Variants in FEM1C observed in about 807,000 individuals in gnomAD.
The protein encoded by FEM1C is fem-1 homolog C.
FEM1C carries 15 observed loss-of-function variants against 37.6 expected under a neutral mutation model. The observed-to-expected ratio is 0.40, with a 90% CI of 0.27 to 0.61. The LOEUF (loss-of-function observed/expected upper bound fraction) is 0.61. Among genes scored for constraint, FEM1C ranks in the 20% least tolerant of loss-of-function variants. The pLI is 0.42. For missense variants in FEM1C, 532 were observed against 749.7 expected (o/e 0.71, Z 3.39); for synonymous variants, 287 against 272.8 (o/e 1.05, Z -0.51).
chr5:115,541,180 T>C (rs1580385947), intron 2 of FEM1C, among the ~76,000 whole-genome samples: 1 of 152,018 alleles, frequency 6.6e-6, no homozygotes, highest in South Asian at 2.1e-4. Context: ...AGAGCTATAA[T>C]TGGTAATATT....
In FEM1C at chr5:115,524,733, G is replaced by T. The variant is rs774601570; in HGVS notation, c.1429C>A (p.Pro477Thr). The T allele has an allele frequency of 1.3e-6, 2 of 1,541,498 alleles. No individual in the cohort carries two copies. Among genetic ancestry groups the T allele is most frequent in the Non-Finnish European group, 1.7e-6 (2 of 1,148,420 alleles). The change falls in exon 3 of 3, where the codon CCA becomes ACA. Residue 477 changes from proline (P) to threonine (T), a missense_variant. Coordinates refer to ENST00000274457, the MANE Select transcript of FEM1C (RefSeq NM_020177.3). ...GGGCTGAAGTTATTCTTTCCCCTTG[G>T]ATGCAGCTTAAGAAACCTGTATATA... ...QTIYRFLKLHPRGKNNFSPLH... is the reference protein window; with the variant it reads ...QTIYRFLKLHTRGKNNFSPLH...
In FEM1C at chr5:115,543,675, G is replaced by C; in HGVS notation, c.-182C>G. Reference sequence around the variant, plus strand: ...CTGCTTTCCAACATCTGACAACCAGGGCACCAAACTAGAGAAAGAAAAAAA... The same window carrying C: ...CTGCTTTCCAACATCTGACAACCAGCGCACCAAACTAGAGAAAGAAAAAAA... On this transcript the variant is annotated 5_prime_UTR_variant, in exon 2 of 3. Transcript: ENST00000274457. 7.4e-7 allele frequency: 1 copy of C among 1,357,438 alleles called. No individual in the cohort carries two copies. Among genetic ancestry groups the C allele is most frequent in the Non-Finnish European group, 9.4e-7 (1 of 1,059,734 alleles). The allele number at this position is 1,357,438 out of a possible 1,614,324, so 84.1% of individuals were successfully genotyped here. A position where few individuals can be genotyped will look rare whatever the true frequency, so the allele number is the denominator to read the frequency against.
intron 2 of FEM1C, among the ~76,000 whole-genome samples, chr5:115,526,664 T>G (rs367602859): frequency 2.6e-5 from 4 of 152,248 alleles, no homozygotes; most frequent in African/African-American, 9.6e-5. Context: ...TACATAAAAT[T>G]TCAACAGTCA....
rs201655348 is a variant in FEM1C at position 115,524,365 on chromosome 5, T to C, written c.1797A>G (p.Ile599Met). Residue 599 changes from isoleucine (I) to methionine (M), a missense_variant, in exon 3 of 3, where the codon ATA (isoleucine) becomes ATG (methionine). Around this residue, in one of 3 missense-constraint regions of FEM1C, gnomAD observed 237 missense variants for 260.5 expected, o/e 0.91. Coordinates refer to ENST00000274457, the MANE Select transcript of FEM1C (RefSeq NM_020177.3). Reference sequence around the variant, plus strand: ...TTTCTGGGATATGCCCTTTATAATATATTCTATGATTCACTATGACACGAG... The same window carrying C: ...TTTCTGGGATATGCCCTTTATAATACATTCTATGATTCACTATGACACGAG... ...LAARVIVNHR[I>M]YYKGHIPEKL... is the part of the protein sequence containing the mutation. 6.2e-7 allele frequency: 1 copy of C among 1,613,486 alleles called. No individual in the cohort carries two copies. Among genetic ancestry groups the C allele is most frequent in the Admixed American group, 1.7e-5 (1 of 59,900 alleles).
Position 115,524,712 on chromosome 5 carries a change from T to C in FEM1C, c.1450A>G (p.Ser484Gly), listed in dbSNP as rs775489971. ...TTGTCCACAGCCAGATGAAGAGGGC[T>C]GAAGTTATTCTTTCCCCTTGGATGC... ...KLHPRGKNNF[S>G]PLHLAVDKNT... Residue 484 changes from serine (S) to glycine (G), a missense_variant, in exon 3 of 3, where the codon AGC (serine) becomes GGC (glycine). Ser to Gly is a moderately conservative substitution (Grantham distance 56). Transcript: ENST00000274457. 5.2e-6 allele frequency: 8 copies of C among 1,542,870 alleles called. No individual in the cohort carries two copies. In the South Asian group the frequency reaches 1.0e-4, roughly 20 times the overall value.
chr5:115,544,201 C>T (rs1754306064), intron 1 of FEM1C: 11 of 984,444 alleles, frequency 1.1e-5, no homozygotes, highest in Non-Finnish European at 1.3e-5. Flanking sequence ...CTACTCACGG[C>T]TCTCAGGAAA....
Position 115,524,780 on chromosome 5 carries a change from T to C in FEM1C, c.1382A>G (p.Gln461Arg), listed in dbSNP as rs754983785. ...TATAGTCTGCTTTTTGAAATGGTCT[T>C]GTTCTAGAGTACAAGGAACTTTCTC... Reference protein sequence around the residue: ...LLEKVPCTLEQDHFKKQTIYR... With the variant: ...LLEKVPCTLERDHFKKQTIYR... Residue 461 changes from glutamine (Q) to arginine (R), a missense_variant, in exon 3 of 3, where the codon CAA becomes CGA. Around this residue, in one of 3 missense-constraint regions of FEM1C, gnomAD observed 237 missense variants for 260.5 expected, o/e 0.91. Coordinates refer to ENST00000274457, the MANE Select transcript of FEM1C (RefSeq NM_020177.3). The C allele has an allele frequency of 1.3e-6, 2 of 1,574,200 alleles. No homozygotes were observed. The highest frequency in any genetic ancestry group is 1.7e-6 in the Non-Finnish European group (2 of 1,162,912).
chr5:115,542,824 G>C, intron 2 of FEM1C, 126 bp downstream of exon 2: 3 of 1,116,034 alleles, frequency 2.7e-6, no homozygotes, highest in Non-Finnish European at 3.8e-6. Flanking sequence ...AGTCATACTG[G>C]AAGACTTACC....
chr5:115,533,503 G>A (rs1316506701), intron 2 of FEM1C, among the ~76,000 whole-genome samples: 1 of 151,954 alleles, frequency 6.6e-6, no homozygotes, highest in African/African-American at 2.4e-5. Flanking sequence ...ACTGTTACAT[G>A]CCAAAGATCA....
intron 2 of FEM1C, among the ~76,000 whole-genome samples, chr5:115,536,026 G>C (rs1172284280): frequency 6.6e-6 from 1 of 151,916 alleles, no homozygotes; most frequent in Non-Finnish European, 1.5e-5. Context: ...ACTTAAGACA[G>C]AAAAGAGATT....
In FEM1C at chr5:115,525,035, C is replaced by T. The variant is rs1469282925; in HGVS notation, c.1127G>A (p.Ser376Asn). 1 of 1,613,560 alleles carries T rather than the reference C, an allele frequency of 6.2e-7. No homozygotes were observed. Among genetic ancestry groups the T allele is most frequent in the Admixed American group, 1.7e-5 (1 of 59,898 alleles). ...TAATAAGCTGCTGGCGGTCATTGGG[C>T]TTAAAGGATCCAAATTGCTCTGCTG... is the stretch of plus-strand genomic sequence containing the variant. Reference protein sequence around the residue: ...DMQQSNLDPLSPMTASSLLSF... With the variant: ...DMQQSNLDPLNPMTASSLLSF... Residue 376 changes from serine (S) to asparagine (N), a missense_variant, in exon 3 of 3, where the codon AGC (serine) becomes AAC (asparagine). Physicochemically the swap from Ser to Asn is conservative, Grantham distance 46. Transcript: ENST00000274457.
intron 2 of FEM1C, among the ~76,000 whole-genome samples, chr5:115,540,711 G>A (rs1172751058): frequency 6.6e-6 from 1 of 152,066 alleles, no homozygotes; most frequent in Non-Finnish European, 1.5e-5. Context: ...ATCTCCACAA[G>A]TACATAAAGA....
Position 115,521,745 on chromosome 5 carries a change from A to T in FEM1C, c.*2563T>A, listed in dbSNP as rs972974063. The T allele has an allele frequency of 6.6e-6, 1 of 150,698 alleles. No homozygotes were observed. The highest frequency in any genetic ancestry group is 1.5e-5 in the Non-Finnish European group (1 of 67,462). 9.3% of individuals were successfully genotyped at this position (150,698 alleles called of 1,614,324 possible). ...AATTTACTCATCTGTGGTTCAAAAA[A>T]TAACACAAATTTAAGTATTTTATTA... is the stretch of plus-strand genomic sequence containing the variant. On this transcript the variant is annotated 3_prime_UTR_variant, in exon 3 of 3. Coordinates refer to ENST00000274457, the MANE Select transcript of FEM1C (RefSeq NM_020177.3).
At chr5:115,529,868 C>T (rs1340334825) in intron 2 of FEM1C, among the ~76,000 whole-genome samples, 1 of 151,744 alleles carries the variant, frequency 6.6e-6, no homozygotes, top group Non-Finnish European at 1.5e-5. Context: ...ACTACATTTT[C>T]TCTAACATAT....
chr5:115,539,565 A>C (rs1226006596), intron 2 of FEM1C, among the ~76,000 whole-genome samples: 1 of 152,108 alleles, frequency 6.6e-6, no homozygotes, highest in Non-Finnish European at 1.5e-5. Flanking sequence ...TTGGAATGCC[A>C]TGGGAAAAGA....
rs1272128910 is a variant in FEM1C, at chr5:115,543,395, G to A, written c.99C>T (p.Ser33=). The stretch of plus-strand genomic sequence containing the variant: ...CCCCATTTGTTTTTTCAGAGATCAA[G>A]GAGGAAACCTCCTCTTTGGATTTGC... ...LASKSKEEVS[S]LISEKTNGAT... The change falls in exon 2 of 3, where the codon TCC becomes TCT. Residue 33 remains serine (S), a synonymous_variant. Coordinates refer to ENST00000274457, the MANE Select transcript of FEM1C (RefSeq NM_020177.3). The A allele has an allele frequency of 1.2e-6, 2 of 1,614,208 alleles. No homozygotes were observed. The highest frequency in any genetic ancestry group is 2.2e-5 in the South Asian group (2 of 91,088).
intron 2 of FEM1C, among the ~76,000 whole-genome samples, chr5:115,531,178 A>G (rs911094146): frequency 4.6e-5 from 7 of 152,132 alleles, no homozygotes; most frequent in African/African-American, 1.7e-4. Context: ...GTCATATTTT[A>G]AATGCCAGTC....
intron 1 of FEM1C, chr5:115,544,181 T>A: frequency 1.0e-6 from 1 of 985,334 alleles, no homozygotes; most frequent in Non-Finnish European, 1.2e-6. Context: ...AGATTCTCTT[T>A]CCTTTAAAAC....
chr5:115,526,565 G>T (rs1437111352), intron 2 of FEM1C, among the ~76,000 whole-genome samples: 2 of 152,098 alleles, frequency 1.3e-5, no homozygotes, highest in Non-Finnish European at 2.9e-5. Flanking sequence ...GGAAACACCA[G>T]GTATTTTAGC....
Sources: allele counts gnomAD v4.1 joint callset (sites outside exome capture counted in the v4.1 genomes callset), GRCh38; gene constraint gnomAD v4.1.1; regional missense constraint gnomAD v4.1.1; transcripts MANE v1.5; gene names NCBI Gene and HGNC (gene_info 2026-07-23, HGNC 2026-07-21).